The following BTBD7 variants were observed in gnomAD, a reference collection of about 807,000 sequenced individuals.
BTBD7 encodes the protein BTB domain containing 7.
Under a neutral mutation model 99.9 loss-of-function variants are expected in BTBD7, and 38 were observed. That is an observed-to-expected ratio of 0.38 (90% CI 0.29 to 0.50). The LOEUF is 0.50. Among genes scored for constraint, BTBD7 ranks in the 20% least tolerant of loss-of-function variants. The pLI is 0.93. For synonymous variants in BTBD7, 520 were observed against 511.4 expected, an observed-to-expected ratio of 1.02 and a Z score of -0.23; for missense variants, 1,170 against 1,394.6, an observed-to-expected ratio of 0.84 and a Z score of 2.57.
intron 1 of BTBD7, among the ~76,000 whole-genome samples, chr14:93,326,087 C>CT (rs34380513): frequency 0.017 from 2,578 of 152,270 alleles, 80 homozygotes; most frequent in African/African-American, 0.06. Context: ...TGGTTCTTAA[C>CT]TTTTGAACTT....
At chr14:93,300,707 TGTGTG>T (rs2052986537) in intron 1 of BTBD7, among the ~76,000 whole-genome samples, 1 of 2,102 alleles carries the variant, frequency 4.8e-4, no homozygotes, top group Non-Finnish European at 9.1e-4. Context: ...AGCTAATTTG[TGTGTG>T]TGTGTGTGTG....
In BTBD7 at chr14:93,272,802, C is replaced by CT. The variant is rs569289292; in HGVS notation, c.1163-8810dup. Among the ~76,000 whole-genome samples the CT allele has an allele frequency of 1.3e-3, 200 of 152,212 alleles. 3 individuals carry two copies. The South Asian group carries it at 0.017, about 13-fold the overall frequency. On this transcript the variant is annotated intron_variant, in intron 3 of 10. Coordinates refer to ENST00000334746, the MANE Select transcript of BTBD7 (RefSeq NM_001002860.4). ...CTGTCGGTCCTTAGATGCTGTGACT[C>CT]TGAGAGCTGCTTGGATGAATGCTCC...
intron 1 of BTBD7, among the ~76,000 whole-genome samples, chr14:93,312,126 AT>A (rs2139806451): frequency 6.6e-6 from 1 of 152,270 alleles, no homozygotes; most frequent in African/African-American, 2.4e-5. Context: ...CAATGCTGAA[AT>A]TAAGTTAGTA....
At chr14:93,332,712 C>A in intron 1 of BTBD7, 108 bp downstream of exon 1, 1 of 1,330,912 alleles carries the variant, frequency 7.5e-7, no homozygotes, top group Non-Finnish European at 9.6e-7. Flanking sequence ...TTGGCCCCAG[C>A]CCCGGCGCCC....
intron 1 of BTBD7, among the ~76,000 whole-genome samples, chr14:93,298,180 C>T (rs1753807272): frequency 6.6e-6 from 1 of 152,140 alleles, no homozygotes; most frequent in Non-Finnish European, 1.5e-5. Flanking sequence ...GAAGCGTCTT[C>T]AGAAGCGGAC....
chr14:93,261,008 A>T (rs2052483261), intron 5 of BTBD7, among the ~76,000 whole-genome samples: 1 of 151,994 alleles, frequency 6.6e-6, no homozygotes, highest in Non-Finnish European at 1.5e-5. Flanking sequence ...CTCATGCCTC[A>T]GTCTCCCGAG....
intron 1 of BTBD7, among the ~76,000 whole-genome samples, chr14:93,304,942 A>G (rs1306864754): frequency 6.6e-6 from 1 of 152,232 alleles, no homozygotes; most frequent in East Asian, 1.9e-4. Context: ...AAGAGAACAC[A>G]GAACAAAACA....
At chr14:93,277,160 C>T (rs2052665466) in intron 3 of BTBD7, among the ~76,000 whole-genome samples, 1 of 152,108 alleles carries the variant, frequency 6.6e-6, no homozygotes, top group Admixed American at 6.5e-5. Context: ...CCTTGGCCTC[C>T]CAAAGTGCTG....
chr14:93,264,248 A>T (rs561140102), intron 3 of BTBD7, among the ~76,000 whole-genome samples: 16 of 152,324 alleles, frequency 1.1e-4, no homozygotes, highest in African/African-American at 3.8e-4. Context: ...GATAATAAAC[A>T]TCTATGTGCA....
intron 3 of BTBD7, among the ~76,000 whole-genome samples, chr14:93,281,927 G>A (rs958059512): frequency 6.6e-6 from 1 of 152,190 alleles, no homozygotes; most frequent in Non-Finnish European, 1.5e-5. Flanking sequence ...GTTTATTTAT[G>A]AATATTATCA....
chr14:93,298,553 C>G (rs907524506), intron 1 of BTBD7, among the ~76,000 whole-genome samples: 1 of 152,104 alleles, frequency 6.6e-6, no homozygotes, highest in African/African-American at 2.4e-5. Context: ...CAAGCTATCT[C>G]ATTATGTAGA....
chr14:93,332,780 C>G, intron 1 of BTBD7, 40 bp downstream of exon 1: 1 of 1,462,456 alleles, frequency 6.8e-7, no homozygotes, highest in Middle Eastern at 1.7e-4. Flanking sequence ...CCGGACACAG[C>G]CTCGGCTCCA....
At chr14:93,264,807 A>G (rs1031787673) in intron 3 of BTBD7, among the ~76,000 whole-genome samples, 1 of 152,240 alleles carries the variant, frequency 6.6e-6, no homozygotes, top group Non-Finnish European at 1.5e-5. Flanking sequence ...AGGTGTTTAA[A>G]CACCACCACC....
chr14:93,332,599 C>T (rs551931164), intron 1 of BTBD7, among the ~76,000 whole-genome samples: 4 of 151,712 alleles, frequency 2.6e-5, no homozygotes, highest in South Asian at 2.1e-4. Flanking sequence ...CAGCCCGCCC[C>T]TCGGAGCGCA....
chr14:93,313,203 T>C (rs1363834393), intron 1 of BTBD7, among the ~76,000 whole-genome samples: 3 of 152,224 alleles, frequency 2.0e-5, no homozygotes, highest in Admixed American at 6.5e-5. Context: ...TTCAGAACTT[T>C]TGGGATTTCA....
At chr14:93,304,760 A>G (rs1193967393) in intron 1 of BTBD7, among the ~76,000 whole-genome samples, 1 of 152,242 alleles carries the variant, frequency 6.6e-6, no homozygotes, top group African/African-American at 2.4e-5. Flanking sequence ...CCTAAATTCC[A>G]TTCAAAGCCA....
intron 3 of BTBD7, among the ~76,000 whole-genome samples, chr14:93,266,217 C>G (rs750506287): frequency 6.6e-6 from 1 of 151,018 alleles, no homozygotes; most frequent in African/African-American, 2.4e-5. Flanking sequence ...TGTTATAGAT[C>G]TGAAGCAATC....
At chr14:93,323,252 AT>A (rs890818236) in intron 1 of BTBD7, among the ~76,000 whole-genome samples, 5 of 152,262 alleles carry the variant, frequency 3.3e-5, no homozygotes, top group African/African-American at 1.2e-4. Flanking sequence ...GAAAAAAAAA[AT>A]TTTTTTAACC....
rs61740740 is a variant in BTBD7 at position 93,242,565 on chromosome 14, C to A, written c.3107G>T (p.Arg1036Leu). 5.1e-4 allele frequency: 819 copies of A among 1,614,182 alleles called. 3 individuals carry two copies. The African/African-American group carries it at 0.01, about 20-fold the overall frequency. The change falls in exon 11 of 11, where the codon CGG becomes CTG. Residue 1036 changes from arginine (R) to leucine (L), a missense_variant. Arg to Leu is a moderately radical substitution (Grantham distance 102). Around this residue, in one of 4 missense-constraint regions of BTBD7, gnomAD observed 495 missense variants for 525.9 expected, o/e 0.94. Coordinates refer to ENST00000334746, the MANE Select transcript of BTBD7 (RefSeq NM_001002860.4). ...HLDVVEQPPQ[R>L]SDFPLAAPEN... ...TGGGGCTGCCAAAGGAAAGTCTGACCGCTGGGGAGGTTGCTCAACGACATC... is the reference window on the plus strand; with the variant it reads ...TGGGGCTGCCAAAGGAAAGTCTGACAGCTGGGGAGGTTGCTCAACGACATC...
Sources: gnomAD v4.1 joint callset for allele counts (sites outside exome capture counted in the v4.1 genomes callset) on GRCh38, gnomAD v4.1.1 for gene constraint, gnomAD v4.1.1 regional missense constraint, MANE v1.5 for transcripts, NCBI Gene and HGNC (gene_info 2026-07-23, HGNC 2026-07-21) for gene names.